Variants in RAD23B observed in about 807,000 individuals in gnomAD.
RAD23B encodes RAD23 nucleotide excision repair protein B, also known as lysine-specific demethylase RAD23B.
In RAD23B, 5 loss-of-function variants were observed where a neutral mutation model predicts 49.1. The observed-to-expected ratio is 0.10, with a 90% confidence interval of 0.05 to 0.21. The LOEUF (loss-of-function observed/expected upper bound fraction) is 0.21, where lower values mean the gene tolerates loss of function less well. Ranked by LOEUF, RAD23B falls within the 10% of genes least tolerant of loss-of-function variation. The pLI is 1.00. For synonymous variants in RAD23B, 184 were observed against 165.4 expected (o/e 1.11, Z -0.86); for missense variants, 356 against 486.7 (o/e 0.73, Z 2.53).
At chr9:107,288,518 T>C (rs1403119374) in intron 1 of RAD23B, among the ~76,000 whole-genome samples, 1 of 152,188 alleles carries the variant, frequency 6.6e-6, no homozygotes, top group Non-Finnish European at 1.5e-5. Context: ...CCATCTTGGC[T>C]CACTGCAGCC....
In RAD23B at chr9:107,318,718, G is replaced by C; in HGVS notation, c.554-34G>C. 6.3e-7 allele frequency: 1 copy of C among 1,581,470 alleles called. No homozygotes were observed. The highest frequency in any genetic ancestry group is 1.1e-5 in the South Asian group (1 of 89,092). On this transcript the variant is annotated intron_variant, in intron 5 of 9. Coordinates refer to ENST00000358015, the MANE Select transcript of RAD23B (RefSeq NM_002874.5). The surrounding 1 kb of genome is among the most constrained non-coding windows in gnomAD (Gnocchi z 4.3). ...TATAGAGAATGCTTATTTATTAAAT[G>C]TTCCTTTTTTTCCCCTCCACCCTCC...
At chr9:107,284,025 G>A (rs2133057885) in intron 1 of RAD23B, 1 of 1,061,800 alleles carries the variant, frequency 9.4e-7, no homozygotes, top group Non-Finnish European at 1.1e-6. Flanking sequence ...CTCAGCCGTA[G>A]AGCCTGGCTT....
Position 107,302,947 on chromosome 9 carries a change from C to T in RAD23B, c.228+833C>T, listed in dbSNP as rs151244689. ...CTGGGATTACAGGCGTGAGCCACCG[C>T]GCCCAGCCTGGAAGTTTTAAACAGA... is the stretch of plus-strand genomic sequence containing the variant. On this transcript the variant is annotated intron_variant, in intron 3 of 9. Coordinates refer to ENST00000358015, the MANE Select transcript of RAD23B (RefSeq NM_002874.5). 2.5e-3 allele frequency among the ~76,000 whole-genome samples: 380 copies of T among 152,210 alleles called. 3 individuals carry two copies. Among genetic ancestry groups the T allele is most frequent in the African/African-American group, 8.7e-3 (361 of 41,538 alleles).
intron 5 of RAD23B, 147 bp downstream of exon 5, chr9:107,311,884 A>G (rs919658953): frequency 1.6e-5 from 10 of 639,060 alleles, no homozygotes; most frequent in Non-Finnish European, 2.3e-5. Context: ...TATTCAATTA[A>G]TAGTGTTACT....
intron 6 of RAD23B, 53 bp from the exon 7 acceptor site, chr9:107,321,927 TATA>T: frequency 6.7e-7 from 1 of 1,497,758 alleles, no homozygotes. Flanking sequence ...TTTTACTCTG[TATA>T]ATATTTAATT....
In RAD23B at chr9:107,331,632, ACT is replaced by A. The variant is rs534320407; in HGVS notation, c.*1980_*1981del. 120 of 765,614 alleles carry A rather than the reference ACT, an allele frequency of 1.6e-4. No homozygotes were observed. The highest frequency in any genetic ancestry group is 1.8e-4 in the Non-Finnish European group (76 of 413,558). 47.4% of individuals were successfully genotyped at this position (765,614 alleles called of 1,614,324 possible). On this transcript the variant is annotated 3_prime_UTR_variant, in exon 10 of 10. Transcript: ENST00000358015. ...GGCATTTCTGATCGGATAATGGAAT[ACT>A]CTCATTTATTTTATGACATTCTCTG... is the stretch of plus-strand genomic sequence containing the variant.
intron 9 of RAD23B, among the ~76,000 whole-genome samples, chr9:107,326,580 AT>A (rs1827207124): frequency 1.5e-5 from 2 of 134,572 alleles, no homozygotes; most frequent in South Asian, 4.8e-4. Flanking sequence ...AAGTTTTGTG[AT>A]TATTGATTCA....
intron 1 of RAD23B, among the ~76,000 whole-genome samples, chr9:107,285,784 A>G (rs1833264330): frequency 6.6e-6 from 1 of 152,370 alleles, no homozygotes; most frequent in South Asian, 2.1e-4. Context: ...GGGGCAAGAA[A>G]TTAAAGCATT....
At chr9:107,315,714 A>T (rs570041907) in intron 5 of RAD23B, among the ~76,000 whole-genome samples, 2 of 151,988 alleles carry the variant, frequency 1.3e-5, no homozygotes, top group African/African-American at 2.4e-5. Context: ...GGGTTTCACC[A>T]TGTTGGCCAG....
Position 107,331,667 on chromosome 9 carries a change from A to T in RAD23B, c.*2011A>T. 1.3e-6 allele frequency: 1 copy of T among 767,516 alleles called. No homozygotes were observed. Among genetic ancestry groups the T allele is most frequent in the East Asian group, 2.5e-5 (1 of 40,806 alleles). 47.5% of individuals were successfully genotyped at this position (767,516 alleles called of 1,614,324 possible). ...ATTTTATGACATTCTCTGTCTACTC[A>T]GATCATAGTGAAAACTGGAAACAAA... On this transcript the variant is annotated 3_prime_UTR_variant, in exon 10 of 10. Transcript: ENST00000358015.
chr9:107,288,524 C>T (rs11573619), intron 1 of RAD23B, among the ~76,000 whole-genome samples: 1 of 152,182 alleles, frequency 6.6e-6, no homozygotes, highest in African/African-American at 2.4e-5. Context: ...TGGCTCACTG[C>T]AGCCTTCGCC....
intron 6 of RAD23B, among the ~76,000 whole-genome samples, chr9:107,320,437 T>C (rs1389290105): frequency 2.0e-5 from 3 of 152,218 alleles, no homozygotes; most frequent in Non-Finnish European, 2.9e-5. Flanking sequence ...GGTATAAAAA[T>C]ACAGAATCAT....
intron 5 of RAD23B, among the ~76,000 whole-genome samples, chr9:107,316,425 A>G (rs1826997762): frequency 2.0e-5 from 3 of 152,346 alleles, no homozygotes; most frequent in South Asian, 2.1e-4. Context: ...CCATGTTAAA[A>G]TAGTGCAGTT....
intron 7 of RAD23B, 147 bp downstream of exon 7, chr9:107,322,265 G>C: frequency 9.5e-7 from 1 of 1,051,340 alleles, no homozygotes; most frequent in Non-Finnish European, 1.3e-6. Flanking sequence ...TTTGAGAAAG[G>C]CCCAAAAGAA....
At chr9:107,301,973 T>A in intron 2 of RAD23B, 62 bp from the exon 3 acceptor site, 2 of 1,569,978 alleles carry the variant, frequency 1.3e-6, no homozygotes, top group East Asian at 4.6e-5. Context: ...GAAAGTTGTT[T>A]TAACTGAAGT....
At position 107,283,683 on chromosome 9, in the gene RAD23B, C is replaced by T. The variant is rs770200966; in HGVS notation, c.54C>T (p.Asp18=). Residue 18 remains aspartate, a synonymous_variant, in exon 1 of 10, where the codon GAC becomes GAT. Coordinates refer to ENST00000358015, the MANE Select transcript of RAD23B (RefSeq NM_002874.5). ...LQQQTFKIDI[D]PEETVKALKE... is the part of the protein sequence containing the mutation. Reference sequence around the variant, plus strand: ...AGCAGACCTTCAAGATAGACATTGACCCCGAGGAGACGGTATGCGCGCGGG... The same window carrying T: ...AGCAGACCTTCAAGATAGACATTGATCCCGAGGAGACGGTATGCGCGCGGG... 72 of 1,473,356 alleles carry T rather than the reference C, an allele frequency of 4.9e-5. No individual in the cohort carries two copies. The highest frequency in any genetic ancestry group is 2.8e-4 in the East Asian group (9 of 31,782). 91.3% of individuals were successfully genotyped at this position (1,473,356 alleles called of 1,614,324 possible).
intron 1 of RAD23B, 102 bp from the exon 2 acceptor site, chr9:107,300,039 A>T: frequency 7.3e-7 from 1 of 1,370,422 alleles, no homozygotes; most frequent in Non-Finnish European, 9.8e-7. Context: ...GGAAACATTA[A>T]TAATTATGTA....
intron 1 of RAD23B, 139 bp from the exon 2 acceptor site, chr9:107,300,002 T>C: frequency 1.8e-6 from 2 of 1,118,018 alleles, no homozygotes; most frequent in African/African-American, 1.6e-5. Flanking sequence ...TTGATATAAA[T>C]TGGAAAAACA....
At position 107,286,223 on chromosome 9, in the gene RAD23B, A is replaced by C. The variant is rs547437142; in HGVS notation, c.66+2528A>C. Among the ~76,000 whole-genome samples the C allele has an allele frequency of 1.2e-3, 177 of 152,320 alleles. 1 individual carries two copies. In the Middle Eastern group the frequency reaches 0.021, roughly 18 times the overall value. On this transcript the variant is annotated intron_variant, in intron 1 of 9. Coordinates refer to ENST00000358015, the MANE Select transcript of RAD23B (RefSeq NM_002874.5). Reference sequence around the variant, plus strand: ...CAAAAATGGAAGAAAGGACTGTGAGATAAGTGGAATCATGGGAATGATTCA... The same window carrying C: ...CAAAAATGGAAGAAAGGACTGTGAGCTAAGTGGAATCATGGGAATGATTCA...
Sources: allele counts gnomAD v4.1 joint callset (sites outside exome capture counted in the v4.1 genomes callset), GRCh38; gene constraint gnomAD v4.1.1; non-coding constraint Gnocchi (gnomAD v3.1); transcripts MANE v1.5; gene names NCBI Gene and HGNC (gene_info 2026-07-23, HGNC 2026-07-21).